MAP6: variants seen among roughly 807,000 people sequenced by gnomAD.
The protein encoded by MAP6 is microtubule-associated protein 6.
Under a neutral mutation model 42.4 loss-of-function variants are expected in MAP6, and 26 were observed. That is an observed-to-expected ratio of 0.61 (90% CI 0.45 to 0.85). The LOEUF is 0.85. MAP6 is among the 40% of genes least tolerant of loss of function. The pLI is 0.00. For missense variants in MAP6, 966 were observed against 1,099.0 expected (o/e 0.88, Z 1.71); for synonymous variants, 418 against 443.8 (o/e 0.94, Z 0.73).
chr11:75,667,388 G>A lies in MAP6; in HGVS notation c.905+77C>T. On this transcript the variant is annotated intron_variant, in intron 1 of 3. Coordinates refer to ENST00000304771, the MANE Select transcript of MAP6 (RefSeq NM_033063.2). This position sits in a 1 kb window ranked among gnomAD's most constrained non-coding sequence, Gnocchi z 5.6. ...GAGGCTGCACGCTAGGCCTGCGCTG[G>A]GGATCCTGGGCCCCGGGCAGCCCGC... is the stretch of plus-strand genomic sequence containing the variant. 1 of 1,309,496 alleles carries A rather than the reference G, an allele frequency of 7.6e-7. No homozygotes were observed. The highest frequency in any genetic ancestry group is 9.9e-7 in the Non-Finnish European group (1 of 1,008,714). The allele number at this position is 1,309,496 out of a possible 1,614,324, so 81.1% of individuals were successfully genotyped here. A position where few individuals can be genotyped will look rare whatever the true frequency, so the allele number is the denominator to read the frequency against.
chr11:75,620,916 G>A (rs1205186070), intron 1 of MAP6, among the ~76,000 whole-genome samples: 1 of 152,254 alleles, frequency 6.6e-6, no homozygotes, highest in East Asian at 1.9e-4. Context: ...GGATCATGAG[G>A]TCAGGAGATA....
At chr11:75,605,742 T>A (rs1165515225) in intron 3 of MAP6, 66 bp downstream of exon 3, 5 of 1,215,172 alleles carry the variant, frequency 4.1e-6, no homozygotes, top group South Asian at 1.6e-5. Context: ...TTTGTTGGTT[T>A]AAAAAAAAAA....
chr11:75,587,589 C>T lies in MAP6; in HGVS notation c.1912G>A (p.Asp638Asn), dbSNP rs747075341. The T allele has an allele frequency of 6.2e-7, 1 of 1,614,030 alleles. No individual in the cohort carries two copies. Among genetic ancestry groups the T allele is most frequent in the Non-Finnish European group, 8.5e-7 (1 of 1,180,034 alleles). The change falls in exon 4 of 4, where the codon GAT becomes AAT. Residue 638 changes from aspartate (D) to asparagine (N), a missense_variant. Transcript: ENST00000304771. ...TGCTCTGGGACCATGGGATCTTGAT[C>T]CTTGATAGGTGCTGAGACCATGGGA... ...EGPMVSAPIK[D>N]QDPMVPEHPK...
intron 1 of MAP6, chr11:75,642,831 G>T (rs1019499281): frequency 2.4e-5 from 11 of 462,130 alleles, no homozygotes; most frequent in African/African-American, 1.8e-4. Flanking sequence ...CCTAGGCATG[G>T]ATTCTATAAA....
intron 1 of MAP6, among the ~76,000 whole-genome samples, chr11:75,655,964 C>G (rs1160460068): frequency 6.6e-6 from 1 of 152,210 alleles, no homozygotes; most frequent in Non-Finnish European, 1.5e-5. Flanking sequence ...ATGAAGTCTA[C>G]AGAAAAAGAT....
intron 1 of MAP6, among the ~76,000 whole-genome samples, chr11:75,608,794 C>T (rs1942829923): frequency 6.6e-6 from 1 of 152,216 alleles, no homozygotes. Context: ...CCCTTCCCCC[C>T]TTTTTCATAA....
intron 1 of MAP6, among the ~76,000 whole-genome samples, chr11:75,621,613 T>C (rs1943112782): frequency 6.6e-6 from 1 of 151,474 alleles, no homozygotes; most frequent in Non-Finnish European, 1.5e-5. Context: ...AACATAACCT[T>C]GCATTTAGAA....
chr11:75,663,807 T>C (rs755692829), intron 1 of MAP6, among the ~76,000 whole-genome samples: 2 of 152,254 alleles, frequency 1.3e-5, no homozygotes, highest in Non-Finnish European at 2.9e-5. Flanking sequence ...CTAAGTCAGA[T>C]GGGTCTTCCT....
intron 1 of MAP6, among the ~76,000 whole-genome samples, chr11:75,646,376 G>A (rs986536046): frequency 2.6e-5 from 4 of 151,810 alleles, no homozygotes; most frequent in African/African-American, 7.3e-5. Flanking sequence ...AAGAAGCAAC[G>A]GCTGGCTGGG....
chr11:75,596,956 C>A (rs938144273), intron 3 of MAP6, among the ~76,000 whole-genome samples: 1 of 152,218 alleles, frequency 6.6e-6, no homozygotes. Context: ...CAGATAGTCC[C>A]AAGTGCTGGA....
At position 75,667,322 on chromosome 11, in the gene MAP6, T is replaced by C; in HGVS notation, c.905+143A>G. 5.6e-6 allele frequency: 4 copies of C among 708,640 alleles called. No individual in the cohort carries two copies. In the South Asian group the frequency reaches 7.3e-5, roughly 13 times the overall value. 43.9% of individuals were successfully genotyped at this position (708,640 alleles called of 1,614,324 possible). ...GAGAAGGCTTCGACAGGAGGTGGCC[T>C]GGGAGGCGGCTGGGGAGAGGGTGTG... On this transcript the variant is annotated intron_variant, in intron 1 of 3. Coordinates refer to ENST00000304771, the MANE Select transcript of MAP6 (RefSeq NM_033063.2). The surrounding 1 kb of genome is among the most constrained non-coding windows in gnomAD (Gnocchi z 5.6).
chr11:75,623,088 G>A (rs1031103136), intron 1 of MAP6, among the ~76,000 whole-genome samples: 2 of 152,024 alleles, frequency 1.3e-5, no homozygotes, highest in African/African-American at 2.4e-5. Flanking sequence ...CAAAAAGATG[G>A]AAATAGCTTA....
intron 1 of MAP6, among the ~76,000 whole-genome samples, chr11:75,640,670 G>A (rs568998331): frequency 7.9e-5 from 12 of 152,282 alleles, no homozygotes; most frequent in South Asian, 2.1e-4. Context: ...AAAAGTGGGC[G>A]AAGGATATGA....
chr11:75,647,326 TA>T (rs1235219992), intron 1 of MAP6, among the ~76,000 whole-genome samples: 323 of 9,924 alleles, frequency 0.033, 1 homozygote, highest in African/African-American at 0.077. Flanking sequence ...GAATAGCTAC[TA>T]AAAAAAAAAC....
intron 3 of MAP6, chr11:75,596,404 C>T (rs1942579434): frequency 6.6e-6 from 1 of 152,306 alleles, no homozygotes; most frequent in Non-Finnish European, 1.5e-5. Flanking sequence ...CTGGCTCTGG[C>T]TGGAGCCAAT....
At chr11:75,646,477 C>T (rs1590800029) in intron 1 of MAP6, among the ~76,000 whole-genome samples, 1 of 102,284 alleles carries the variant, frequency 9.8e-6, no homozygotes, top group Non-Finnish European at 1.8e-5. Context: ...GCCTGAGCAA[C>T]ATGGTGAAAA....
Position 75,608,100 on chromosome 11 carries a change from CT to C in MAP6, c.1119+8del, listed in dbSNP as rs781646726. ...CTGTGCTGATGGGTTCCCACAAGGT[CT>C]GTCTCACCTTTGGGGGTTCCTTGAA... On this transcript the variant is annotated splice_region_variant and intron_variant, in intron 2 of 3. Transcript: ENST00000304771. 6.2e-7 allele frequency: 1 copy of C among 1,612,618 alleles called. No homozygotes were observed. Among genetic ancestry groups the C allele is most frequent in the Admixed American group, 1.7e-5 (1 of 60,028 alleles).
intron 3 of MAP6, among the ~76,000 whole-genome samples, chr11:75,595,677 A>C (rs2135575612): frequency 6.6e-6 from 1 of 151,798 alleles, no homozygotes; most frequent in Non-Finnish European, 1.5e-5. Flanking sequence ...TCAGTGAAAA[A>C]ACCTCTGAGC....
At chr11:75,662,233 T>C (rs1170727008) in intron 1 of MAP6, among the ~76,000 whole-genome samples, 2 of 152,080 alleles carry the variant, frequency 1.3e-5, no homozygotes, top group East Asian at 3.8e-4. Context: ...TAAATGACTT[T>C]CCATATACGG....
Sources: gnomAD v4.1 joint callset for allele counts (sites outside exome capture counted in the v4.1 genomes callset) on GRCh38, gnomAD v4.1.1 for gene constraint, Gnocchi (gnomAD v3.1) non-coding constraint, MANE v1.5 for transcripts, NCBI Gene and HGNC (gene_info 2026-07-23, HGNC 2026-07-21) for gene names.